HDC: variants seen among roughly 807,000 people sequenced by gnomAD.
The protein encoded by HDC is histidine decarboxylase.
Under a neutral mutation model 64.4 loss-of-function variants are expected in HDC, and 27 were observed. The ratio of observed to expected loss-of-function variants is 0.42; its 90% confidence interval spans 0.31 to 0.58. The LOEUF (loss-of-function observed/expected upper bound fraction) is 0.58. Ranked by LOEUF, HDC falls within the 20% of genes least tolerant of loss-of-function variation. The pLI, the probability that HDC is intolerant of heterozygous loss-of-function variation, is 0.16. For synonymous variants in HDC, 305 were observed against 314.2 expected (o/e 0.97, Z 0.31); for missense variants, 711 against 833.9 (o/e 0.85, Z 1.81).
intron 3 of HDC, 21 bp downstream of exon 3, chr15:50,258,383 G>C: frequency 1.4e-6 from 2 of 1,414,584 alleles, no homozygotes; most frequent in Non-Finnish European, 1.0e-6. Context: ...ATTGCGAGTA[G>C]TTACAGCCGT....
chr15:50,246,636 C>T (rs1368155992), intron 10 of HDC, among the ~76,000 whole-genome samples: 1 of 152,084 alleles, frequency 6.6e-6, no homozygotes, highest in Non-Finnish European at 1.5e-5. Context: ...GAGTGTGGGC[C>T]TCATATGGTA....
chr15:50,252,805 G>A (rs1184839513), intron 7 of HDC, 31 bp from the exon 8 acceptor site: 3 of 1,593,992 alleles, frequency 1.9e-6, no homozygotes, highest in Middle Eastern at 3.3e-4. Context: ...TGGCCGGAGG[G>A]GAGGTATGAA....
chr15:50,260,023 C>CTT lies in HDC; in HGVS notation c.205-1508_205-1507dup, dbSNP rs141659908. On this transcript the variant is annotated intron_variant, in intron 2 of 11. Transcript: ENST00000267845. ...GTGTGGGTCTCTTTTGAGATTCATT[C>CTT]TTTTTTTTTTTTTTTTGAGACAGAT... Among the ~76,000 whole-genome samples the CTT allele has an allele frequency of 5.8e-4, 83 of 142,640 alleles. 1 individual carries two copies. Among genetic ancestry groups the CTT allele is most frequent in the African/African-American group, 1.9e-3 (75 of 38,590 alleles). 93.6% of individuals were successfully genotyped at this position (142,640 alleles called of 152,430 possible). A position where few individuals can be genotyped will look rare whatever the true frequency, so the allele number is the denominator to read the frequency against.
In HDC at chr15:50,254,741, TCTCTCTC is replaced by T. The variant is rs1567452456; in HGVS notation, c.442-84_442-78del. 452 of 182,148 alleles carry T rather than the reference TCTCTCTC, an allele frequency of 2.5e-3. 1 individual carries two copies. The highest frequency in any genetic ancestry group is 0.012 in the African/African-American group (250 of 21,296). 11.3% of individuals were successfully genotyped at this position (182,148 alleles called of 1,614,324 possible). Reference sequence around the variant, plus strand: ...TTTCCCCAGGCTTTCTAGTTTTTTCTCTCTCTCTCTCTCTCTCTCTCTCTCTCTCTCT... The same window carrying T: ...TTTCCCCAGGCTTTCTAGTTTTTTCTTCTCTCTCTCTCTCTCTCTCTCTCT... On this transcript the variant is annotated intron_variant, in intron 4 of 11. Coordinates refer to ENST00000267845, the MANE Select transcript of HDC (RefSeq NM_002112.4).
chr15:50,253,783 A>G (rs2045589685), intron 6 of HDC, 117 bp from the exon 7 acceptor site: 2 of 820,090 alleles, frequency 2.4e-6, no homozygotes, highest in African/African-American at 3.4e-5. Context: ...AGAACAGTGT[A>G]TATTTCAGAC....
Position 50,265,699 on chromosome 15 carries a change from G to T in HDC, c.-76C>A. On this transcript the variant is annotated 5_prime_UTR_variant, in exon 1 of 12. Transcript: ENST00000267845. The stretch of plus-strand genomic sequence containing the variant: ...GGCGTGAAAGGCGTGGAGCAGCCCG[G>T]CTTCCCTCTTGCCAGTCCTGCGCAC... 2 of 1,426,756 alleles carry T rather than the reference G, an allele frequency of 1.4e-6. No individual in the cohort carries two copies. Among genetic ancestry groups the T allele is most frequent in the Non-Finnish European group, 2.0e-6 (2 of 1,011,900 alleles). 88.4% of individuals were successfully genotyped at this position (1,426,756 alleles called of 1,614,324 possible).
At chr15:50,265,152 A>G (rs1246736033) in intron 1 of HDC, among the ~76,000 whole-genome samples, 1 of 152,238 alleles carries the variant, frequency 6.6e-6, no homozygotes, top group Non-Finnish European at 1.5e-5. Flanking sequence ...TATGAAATGA[A>G]TGACTAAATG....
intron 4 of HDC, 70 bp downstream of exon 4, chr15:50,257,355 C>A: frequency 6.2e-7 from 1 of 1,601,210 alleles, no homozygotes; most frequent in South Asian, 1.1e-5. Context: ...GGAGAATTGC[C>A]AGGTTAGGGT....
chr15:50,264,623 C>A (rs1375869204), intron 1 of HDC, among the ~76,000 whole-genome samples: 3 of 152,102 alleles, frequency 2.0e-5, no homozygotes, highest in African/African-American at 7.2e-5. Flanking sequence ...CTTTGTCTGT[C>A]TCAACATCCA....
rs1406264101 is a variant in HDC, at chr15:50,242,370, T to C, written c.1879A>G (p.Lys627Glu). 21 of 1,614,218 alleles carry C rather than the reference T, an allele frequency of 1.3e-5. No individual in the cohort carries two copies. In the Middle Eastern group the frequency reaches 2.1e-3, roughly 165 times the overall value. The change falls in exon 12 of 12, where the codon AAA becomes GAA. Residue 627 changes from lysine to glutamate, a missense_variant. Around this residue, in one of 3 missense-constraint regions of HDC, gnomAD observed 483 missense variants for 540.9 expected, o/e 0.89. Coordinates refer to ENST00000267845, the MANE Select transcript of HDC (RefSeq NM_002112.4). ...RFPEDMMMLK[K>E]SAFKKLIKFY... The stretch of plus-strand genomic sequence containing the variant: ...TTGATGAGTTTTTTGAAGGCACTTT[T>C]CTTCAGCATCATCATGTCTTCTGGA...
chr15:50,252,951 G>A (rs1567450929), intron 7 of HDC, 177 bp from the exon 8 acceptor site: 2 of 643,620 alleles, frequency 3.1e-6, no homozygotes, highest in Non-Finnish European at 5.4e-6. Context: ...GCTGAAGGAG[G>A]CATCATTACC....
intron 7 of HDC, chr15:50,253,318 A>G (rs1257703845): frequency 4.0e-6 from 2 of 503,418 alleles, no homozygotes; most frequent in Non-Finnish European, 7.2e-6. Flanking sequence ...GTAAAGTTCA[A>G]CATACAAGTA....
At chr15:50,250,025 T>C (rs950133946) in intron 9 of HDC, among the ~76,000 whole-genome samples, 8 of 152,230 alleles carry the variant, frequency 5.3e-5, no homozygotes, top group Non-Finnish European at 1.2e-4. Flanking sequence ...GTAAGGTCCT[T>C]GCAGGGCTCC....
intron 2 of HDC, among the ~76,000 whole-genome samples, chr15:50,261,234 G>A (rs912978606): frequency 6.6e-5 from 10 of 152,202 alleles, no homozygotes; most frequent in Non-Finnish European, 1.0e-4. Flanking sequence ...GAGCCTCACC[G>A]ACCATACCCA....
chr15:50,248,990 A>G lies in HDC; in HGVS notation c.1042-647T>C, dbSNP rs888562145. Among the ~76,000 whole-genome samples the G allele has an allele frequency of 3.9e-4, 60 of 152,246 alleles. No homozygotes were observed. Among genetic ancestry groups the G allele is most frequent in the African/African-American group, 1.4e-3 (58 of 41,460 alleles). Reference sequence around the variant, plus strand: ...TTTAGATTATTTTAAAATGTGAGCTACAAATCACAGTAGCATTTCTGTCTA... The same window carrying G: ...TTTAGATTATTTTAAAATGTGAGCTGCAAATCACAGTAGCATTTCTGTCTA... On this transcript the variant is annotated intron_variant, in intron 9 of 11. Coordinates refer to ENST00000267845, the MANE Select transcript of HDC (RefSeq NM_002112.4). This position sits in a 1 kb window ranked among gnomAD's most constrained non-coding sequence, Gnocchi z 4.3.
intron 4 of HDC, 122 bp downstream of exon 4, chr15:50,257,303 G>T: frequency 8.3e-7 from 1 of 1,211,810 alleles, no homozygotes; most frequent in South Asian, 1.2e-5. Context: ...TGCTGTTGGT[G>T]ATGACGGTGT....
At chr15:50,256,084 C>T (rs2045626587) in intron 4 of HDC, among the ~76,000 whole-genome samples, 1 of 152,190 alleles carries the variant, frequency 6.6e-6, no homozygotes, top group Non-Finnish European at 1.5e-5. Flanking sequence ...ATTATTTAAT[C>T]TCTCTGAACT....
chr15:50,256,122 GA>G (rs1482994934), intron 4 of HDC, among the ~76,000 whole-genome samples: 2 of 152,176 alleles, frequency 1.3e-5, no homozygotes, highest in East Asian at 3.9e-4. Flanking sequence ...AAACATTGGG[GA>G]ATGGTACTAT....
intron 2 of HDC, among the ~76,000 whole-genome samples, chr15:50,258,927 G>T (rs940878661): frequency 1.3e-5 from 2 of 152,032 alleles, no homozygotes; most frequent in Admixed American, 6.5e-5. Context: ...TTGGGAGGCC[G>T]AGGCAGGTGG....
Sources: gnomAD v4.1 joint callset for allele counts (sites outside exome capture counted in the v4.1 genomes callset) on GRCh38, gnomAD v4.1.1 for gene constraint, gnomAD v4.1.1 regional missense constraint, Gnocchi (gnomAD v3.1) non-coding constraint, MANE v1.5 for transcripts, NCBI Gene and HGNC (gene_info 2026-07-23, HGNC 2026-07-21) for gene names.